The following LCOR variants were observed in gnomAD, a reference collection of about 807,000 sequenced individuals.
LCOR encodes ligand-dependent corepressor.
A neutral mutation model predicts 64.4 loss-of-function variants in LCOR; 14 were observed. That is an observed-to-expected ratio of 0.22 (90% CI 0.14 to 0.34). The LOEUF is 0.34. LCOR is among the 10% of genes least tolerant of loss of function. The probability of loss-of-function intolerance (pLI) is 1.00; values close to 1 mark genes in which losing one functional copy is unlikely to be tolerated. For missense variants in LCOR, 1,686 were observed against 1,765.3 expected, an observed-to-expected ratio of 0.96 and a Z score of 0.80; for synonymous variants, 643 against 642.5, an observed-to-expected ratio of 1.00 and a Z score of -0.01.
intron 2 of LCOR, among the ~76,000 whole-genome samples, chr10:96,855,741 A>G (rs924976708): frequency 2.9e-5 from 4 of 137,770 alleles, no homozygotes; most frequent in Admixed American, 7.4e-5. Context: ...TGGCCTGTCT[A>G]ATGCTTTTGT....
intron 2 of LCOR, among the ~76,000 whole-genome samples, chr10:96,856,954 A>G (rs1038776496): frequency 6.6e-6 from 1 of 152,090 alleles, no homozygotes; most frequent in South Asian, 2.1e-4. Flanking sequence ...AGGGAACAGT[A>G]TGGGGGAAGA....
At position 96,991,910 on chromosome 10, in the gene LCOR, A is replaced by G. The variant is rs558091624; in HGVS notation, c.*6776A>G. ...GTGGCCCTGAACACAAATTTGTCACATTGGAAGCATTTTTCTCTCAAAACT... is the reference window on the plus strand; with the variant it reads ...GTGGCCCTGAACACAAATTTGTCACGTTGGAAGCATTTTTCTCTCAAAACT... On this transcript the variant is annotated 3_prime_UTR_variant, in exon 8 of 8. Transcript: ENST00000421806. 2.6e-5 allele frequency: 4 copies of G among 151,916 alleles called. No individual in the cohort carries two copies. The East Asian group carries it at 7.7e-4, about 29-fold the overall frequency. The allele number at this position is 151,916 out of a possible 1,614,324, so 9.4% of individuals were successfully genotyped here.
chr10:96,916,619 T>C (rs1846954444), intron 4 of LCOR, among the ~76,000 whole-genome samples: 1 of 131,644 alleles, frequency 7.6e-6, no homozygotes, highest in Non-Finnish European at 1.5e-5. Flanking sequence ...ATATATATGA[T>C]TATTTATTTT....
intron 2 of LCOR, among the ~76,000 whole-genome samples, chr10:96,861,243 A>T (rs1034334639): frequency 6.6e-6 from 1 of 152,206 alleles, no homozygotes; most frequent in African/African-American, 2.4e-5. Flanking sequence ...TTTTAAATAC[A>T]TATGCTTTCC....
intron 7 of LCOR, chr10:96,959,399 T>C (rs1847845649): frequency 6.6e-6 from 1 of 152,218 alleles, no homozygotes; most frequent in South Asian, 2.1e-4. Context: ...CTCTTGGAAC[T>C]ATTGATAGGA....
chr10:96,913,374 G>A (rs906518605), intron 4 of LCOR, among the ~76,000 whole-genome samples: 8 of 152,152 alleles, frequency 5.3e-5, no homozygotes, highest in Non-Finnish European at 1.2e-4. Flanking sequence ...GAGGGTCGGG[G>A]AGAGATGGGA....
In LCOR at chr10:96,988,541, T is replaced by C. The variant is rs1589352757; in HGVS notation, c.*3407T>C. 1 of 152,342 alleles carries C rather than the reference T, an allele frequency of 6.6e-6. No individual in the cohort carries two copies. Among genetic ancestry groups the C allele is most frequent in the East Asian group, 1.9e-4 (1 of 5,188 alleles). 9.4% of individuals were successfully genotyped at this position (152,342 alleles called of 1,614,324 possible). A position where few individuals can be genotyped will look rare whatever the true frequency, so the allele number is the denominator to read the frequency against. On this transcript the variant is annotated 3_prime_UTR_variant, in exon 8 of 8. Transcript: ENST00000421806. ...AATTTCTCACTGTTCAGATAGGTCA[T>C]CAGTAAAAGGCATCACTTCAAGATA...
chr10:96,925,445 A>ACCC (rs1847152359), intron 4 of LCOR, among the ~76,000 whole-genome samples: 2 of 152,134 alleles, frequency 1.3e-5, no homozygotes, highest in African/African-American at 2.4e-5. Flanking sequence ...ATTTCTCTTA[A>ACCC]TTTAGGTTTT....
At position 96,913,370 on chromosome 10, in the gene LCOR, C is replaced by T. The variant is rs114422630; in HGVS notation, c.-184+5623C>T. Reference sequence around the variant, plus strand: ...GCTAATCCAGTAGTAGTGAGAGGGTCGGGGAGAGATGGGAAGGATGAGAAA... The same window carrying T: ...GCTAATCCAGTAGTAGTGAGAGGGTTGGGGAGAGATGGGAAGGATGAGAAA... On this transcript the variant is annotated intron_variant, in intron 4 of 7. Coordinates refer to ENST00000421806, the MANE Select transcript of LCOR (RefSeq NM_001346516.2). 1.4e-3 allele frequency among the ~76,000 whole-genome samples: 218 copies of T among 151,988 alleles called. 2 individuals are homozygous for T. Among genetic ancestry groups the T allele is most frequent in the African/African-American group, 5.1e-3 (212 of 41,462 alleles).
rs1185486158 is a variant in LCOR at position 96,944,194 on chromosome 10, C to T, written c.-102C>T. 4.1e-6 allele frequency: 4 copies of T among 985,394 alleles called. No homozygotes were observed. Among genetic ancestry groups the T allele is most frequent in the South Asian group, 4.7e-5 (1 of 21,268 alleles). The allele number at this position is 985,394 out of a possible 1,614,324, so 61.0% of individuals were successfully genotyped here. A position where few individuals can be genotyped will look rare whatever the true frequency, so the allele number is the denominator to read the frequency against. On this transcript the variant is annotated 5_prime_UTR_variant, in exon 5 of 8. Transcript: ENST00000421806. ...TAAACAAGAGCAAGCAAAAATCATT[C>T]GATTCGAGAGACAAGCAGAAGAATT... is the stretch of plus-strand genomic sequence containing the variant.
At position 96,986,268 on chromosome 10, in the gene LCOR, C is replaced by T. The variant is rs1848149319; in HGVS notation, c.*1134C>T. ...AAGGACAGATGGTTTAAAAGTAGCC[C>T]AGTGTCTCTGTGAGCATCCCCAATA... On this transcript the variant is annotated 3_prime_UTR_variant, in exon 8 of 8. Transcript: ENST00000421806. The T allele has an allele frequency of 6.1e-6, 1 of 164,946 alleles. No homozygotes were observed. Among genetic ancestry groups the T allele is most frequent in the South Asian group, 2.1e-4 (1 of 4,824 alleles). The allele number at this position is 164,946 out of a possible 1,614,324, so 10.2% of individuals were successfully genotyped here. A position where few individuals can be genotyped will look rare whatever the true frequency, so the allele number is the denominator to read the frequency against.
chr10:96,834,148 A>G (rs892573972), intron 2 of LCOR, among the ~76,000 whole-genome samples: 2 of 152,244 alleles, frequency 1.3e-5, no homozygotes, highest in East Asian at 1.9e-4. Context: ...TTTCATTACG[A>G]AAATGTATAG....
At chr10:96,907,098 C>G (rs1846742438) in intron 2 of LCOR, among the ~76,000 whole-genome samples, 167 bp from the exon 3 acceptor site, 1 of 152,100 alleles carries the variant, frequency 6.6e-6, no homozygotes, top group Non-Finnish European at 1.5e-5. Flanking sequence ...AATGCAAATG[C>G]TCCTTTTAGA....
At chr10:96,878,996 A>G (rs1170653544) in intron 2 of LCOR, among the ~76,000 whole-genome samples, 6 of 152,008 alleles carry the variant, frequency 3.9e-5, no homozygotes, top group South Asian at 2.1e-4. Flanking sequence ...GGGTCTTGCC[A>G]TGTTGCCCAG....
chr10:96,968,474 CTT>C (rs1847969550), intron 7 of LCOR, among the ~76,000 whole-genome samples: 1 of 152,146 alleles, frequency 6.6e-6, no homozygotes, highest in African/African-American at 2.4e-5. Flanking sequence ...AATGAAATCT[CTT>C]TTGTGAAGTT....
At chr10:96,913,597 G>A (rs924673555) in intron 4 of LCOR, among the ~76,000 whole-genome samples, 1 of 152,182 alleles carries the variant, frequency 6.6e-6, no homozygotes, top group African/African-American at 2.4e-5. Flanking sequence ...TTTAGTATTT[G>A]ATTGGCATAT....
At chr10:96,926,697 C>G (rs934507312) in intron 4 of LCOR, among the ~76,000 whole-genome samples, 1 of 152,024 alleles carries the variant, frequency 6.6e-6, no homozygotes, top group Non-Finnish European at 1.5e-5. Context: ...TTGTATGTGC[C>G]CTTTATAGTC....
At chr10:96,973,448 T>C (rs1848014748) in intron 7 of LCOR, among the ~76,000 whole-genome samples, 3 of 152,216 alleles carry the variant, frequency 2.0e-5, no homozygotes, top group Non-Finnish European at 2.9e-5. Context: ...GTAGATAAAT[T>C]TCTCCGTGTA....
At chr10:96,915,861 C>T in intron 4 of LCOR, 1 of 488,658 alleles carries the variant, frequency 2.0e-6, no homozygotes, top group Non-Finnish European at 3.9e-6. Flanking sequence ...TTTAACTTGG[C>T]ATTATCTCCT....
Sources: gnomAD v4.1 joint callset for allele counts (sites outside exome capture counted in the v4.1 genomes callset) on GRCh38, gnomAD v4.1.1 for gene constraint, MANE v1.5 for transcripts, NCBI Gene and HGNC (gene_info 2026-07-23, HGNC 2026-07-21) for gene names.